Variants in GFRA2 observed in about 807,000 individuals in gnomAD.
GFRA2 encodes GDNF family receptor alpha 2.
Under a neutral mutation model 48.3 loss-of-function variants are expected in GFRA2, and 17 were observed. That is an observed-to-expected ratio of 0.35 (90% confidence interval 0.24 to 0.53). The LOEUF is 0.53. Among genes scored for constraint, GFRA2 ranks in the 20% least tolerant of loss-of-function variants. The probability of loss-of-function intolerance (pLI) is 0.93; values close to 1 mark genes in which losing one functional copy is unlikely to be tolerated. For synonymous variants in GFRA2, 305 were observed against 257.2 expected (o/e 1.19, Z -1.78); for missense variants, 660 against 637.3 (o/e 1.04, Z -0.38).
chr8:21,735,060 T>C (rs1313082336), intron 4 of GFRA2, among the ~76,000 whole-genome samples: 2 of 152,198 alleles, frequency 1.3e-5, no homozygotes, highest in East Asian at 1.9e-4. Context: ...CATATACTGA[T>C]TGATGTCTCA....
At chr8:21,763,027 TTGTTTACTGA>T (rs1805987102) in intron 3 of GFRA2, among the ~76,000 whole-genome samples, 1 of 152,206 alleles carries the variant, frequency 6.6e-6, no homozygotes, top group East Asian at 1.9e-4. Flanking sequence ...AGCTAAACTT[TTGTTTACTGA>T]TTATGAAATA....
At chr8:21,699,787 G>C (rs1029490062) in intron 7 of GFRA2, among the ~76,000 whole-genome samples, 3 of 152,228 alleles carry the variant, frequency 2.0e-5, no homozygotes, top group South Asian at 2.1e-4. Context: ...TAGGACAGCA[G>C]GGAGTTTCAA....
At chr8:21,716,426 G>A (rs4477011) in intron 4 of GFRA2, among the ~76,000 whole-genome samples, 77,926 of 151,636 alleles carry the variant, frequency 0.51, 23,167 homozygotes, top group East Asian at 0.71. Context: ...GAAAGGCCAC[G>A]TGGGCCAAAA....
rs770395463 is a variant in GFRA2, at chr8:21,750,973, G to T, written c.440-31C>A. 3 of 1,467,694 alleles carry T rather than the reference G, an allele frequency of 2.0e-6. No individual in the cohort carries two copies. Among genetic ancestry groups the T allele is most frequent in the Non-Finnish European group, 2.8e-6 (3 of 1,060,248 alleles). The allele number at this position is 1,467,694 out of a possible 1,614,324, so 90.9% of individuals were successfully genotyped here. ...GGAGGAACAAGAGAGCAGGTCAGAGGCCACACAAGCATGAGGAGGACACAG... is the reference window on the plus strand; with the variant it reads ...GGAGGAACAAGAGAGCAGGTCAGAGTCCACACAAGCATGAGGAGGACACAG... On this transcript the variant is annotated intron_variant, in intron 3 of 8. Coordinates refer to ENST00000524240, the MANE Select transcript of GFRA2 (RefSeq NM_001495.5). This position sits in a 1 kb window ranked among gnomAD's most constrained non-coding sequence, Gnocchi z 5.7.
rs1803582618 is a variant in GFRA2 at position 21,721,325 on chromosome 8, A to G, written c.795-15284T>C. 2.6e-5 allele frequency among the ~76,000 whole-genome samples: 4 copies of G among 152,154 alleles called. No homozygotes were observed. The South Asian group carries it at 8.3e-4, about 32-fold the overall frequency. On this transcript the variant is annotated intron_variant, in intron 4 of 8. Coordinates refer to ENST00000524240, the MANE Select transcript of GFRA2 (RefSeq NM_001495.5). ...TGGAAAAGTGTCTCTGCTTTCTCTG[A>G]TAACAGCCATTCACTAAAGGAGGCC... is the stretch of plus-strand genomic sequence containing the variant.
intron 7 of GFRA2, among the ~76,000 whole-genome samples, chr8:21,696,427 A>G (rs1802178640): frequency 6.6e-6 from 1 of 152,160 alleles, no homozygotes; most frequent in Admixed American, 6.5e-5. Context: ...ATAATAGTCT[A>G]CTGCTTAACA....
chr8:21,761,952 A>C (rs539452732), intron 3 of GFRA2, among the ~76,000 whole-genome samples: 1 of 151,906 alleles, frequency 6.6e-6, no homozygotes, highest in East Asian at 1.9e-4. Flanking sequence ...ACTCTGTCTA[A>C]AAAAATTAAA....
chr8:21,715,493 G>C (rs1047863874), intron 4 of GFRA2, among the ~76,000 whole-genome samples: 1 of 152,178 alleles, frequency 6.6e-6, no homozygotes, highest in African/African-American at 2.4e-5. Flanking sequence ...ATTTTTAGTA[G>C]AGACGGGGTT....
At chr8:21,788,077 G>T in intron 1 of GFRA2, 43 bp downstream of exon 1, 1 of 703,994 alleles carries the variant, frequency 1.4e-6, no homozygotes, top group Non-Finnish European at 2.2e-6. Context: ...CGCCTCCCCG[G>T]CTTCTCGCCT....
intron 4 of GFRA2, among the ~76,000 whole-genome samples, chr8:21,715,469 T>C (rs1388107593): frequency 6.6e-6 from 1 of 152,164 alleles, no homozygotes; most frequent in African/African-American, 2.4e-5. Flanking sequence ...CCACCACGCA[T>C]GGCTAATTTT....
At chr8:21,786,708 C>T (rs1345366679) in intron 1 of GFRA2, among the ~76,000 whole-genome samples, 1 of 152,180 alleles carries the variant, frequency 6.6e-6, no homozygotes, top group Non-Finnish European at 1.5e-5. Context: ...GGGACTCGCA[C>T]CTGGCGGGAA....
intron 3 of GFRA2, among the ~76,000 whole-genome samples, chr8:21,772,849 C>T (rs1806503613): frequency 6.6e-6 from 1 of 152,212 alleles, no homozygotes; most frequent in Non-Finnish European, 1.5e-5. Context: ...GTCCAGGGAG[C>T]AGAAGGGGCT....
chr8:21,750,390 AGATG>A lies in GFRA2; in HGVS notation c.794+194_794+197del, dbSNP rs1437914210. ...TGAACAAATGAATGAATAAAGAAGTAGATGGATGGATGAATGGATGAATGAAATG... is the reference window on the plus strand; with the variant it reads ...TGAACAAATGAATGAATAAAGAAGTAGATGGATGAATGGATGAATGAAATG... On this transcript the variant is annotated intron_variant, in intron 4 of 8. Coordinates refer to ENST00000524240, the MANE Select transcript of GFRA2 (RefSeq NM_001495.5). This position sits in a 1 kb window ranked among gnomAD's most constrained non-coding sequence, Gnocchi z 5.7. 1.3e-5 allele frequency among the ~76,000 whole-genome samples: 2 copies of A among 152,260 alleles called. No individual in the cohort carries two copies. Among genetic ancestry groups the A allele is most frequent in the Non-Finnish European group, 2.9e-5 (2 of 68,046 alleles).
In GFRA2 at chr8:21,705,493, G is replaced by A. The variant is rs139976699; in HGVS notation, c.905-368C>T. 2.7e-3 allele frequency among the ~76,000 whole-genome samples: 406 copies of A among 152,230 alleles called. 3 individuals are homozygous for A. Among genetic ancestry groups the A allele is most frequent in the African/African-American group, 9.3e-3 (385 of 41,532 alleles). ...CATCCTGGGATCAGACCCCAGTGCCGATATTTATGAGCGAGGTGAGACTGT... is the reference window on the plus strand; with the variant it reads ...CATCCTGGGATCAGACCCCAGTGCCAATATTTATGAGCGAGGTGAGACTGT... On this transcript the variant is annotated intron_variant, in intron 5 of 8. Coordinates refer to ENST00000524240, the MANE Select transcript of GFRA2 (RefSeq NM_001495.5).
chr8:21,749,451 G>C (rs1468782407), intron 4 of GFRA2, among the ~76,000 whole-genome samples: 1 of 151,870 alleles, frequency 6.6e-6, no homozygotes, highest in Non-Finnish European at 1.5e-5. Context: ...CACAGCTAAT[G>C]AGTGGTAAAG....
At chr8:21,760,598 G>A (rs983098545) in intron 3 of GFRA2, among the ~76,000 whole-genome samples, 6 of 152,300 alleles carry the variant, frequency 3.9e-5, no homozygotes, top group African/African-American at 1.4e-4. Flanking sequence ...TTAAGTTTGA[G>A]ATGTCTATTA....
At chr8:21,779,335 G>A (rs1806859727) in intron 2 of GFRA2, among the ~76,000 whole-genome samples, 2 of 152,342 alleles carry the variant, frequency 1.3e-5, no homozygotes, top group African/African-American at 4.8e-5. Context: ...CATCAGCACA[G>A]TCCTCCCGTG....
chr8:21,774,936 G>A, intron 3 of GFRA2, 36 bp downstream of exon 3: 1 of 1,183,920 alleles, frequency 8.4e-7, no homozygotes, highest in African/African-American at 1.5e-5. Flanking sequence ...AGGGACGAGA[G>A]GAGAACGGGC....
chr8:21,700,160 G>T (rs1290273025), intron 7 of GFRA2, among the ~76,000 whole-genome samples: 1 of 152,208 alleles, frequency 6.6e-6, no homozygotes, highest in Non-Finnish European at 1.5e-5. Flanking sequence ...CATCCTGCAG[G>T]TGTCCAAGAC....
Sources: gnomAD v4.1 joint callset for allele counts (sites outside exome capture counted in the v4.1 genomes callset) on GRCh38, gnomAD v4.1.1 for gene constraint, Gnocchi (gnomAD v3.1) non-coding constraint, MANE v1.5 for transcripts, NCBI Gene and HGNC (gene_info 2026-07-23, HGNC 2026-07-21) for gene names.